The following DNAJC1 variants were observed in gnomAD, a reference collection of about 807,000 sequenced individuals.
DNAJC1 encodes dnaJ homolog subfamily C member 1.
A neutral mutation model predicts 76.6 loss-of-function variants in DNAJC1; 58 were observed. That is an observed-to-expected ratio of 0.76 (90% confidence interval 0.61 to 0.94). The LOEUF (loss-of-function observed/expected upper bound fraction) is 0.94. Ranked by LOEUF, DNAJC1 falls within the 40% of genes least tolerant of loss-of-function variation. The pLI, the probability that DNAJC1 is intolerant of heterozygous loss-of-function variation, is 0.00. For missense variants in DNAJC1, 689 were observed against 677.3 expected, an observed-to-expected ratio of 1.02 and a Z score of -0.19; for synonymous variants, 258 against 267.9, an observed-to-expected ratio of 0.96 and a Z score of 0.36.
At chr10:21,954,143 G>GAGAAAC (rs1564837120) in intron 1 of DNAJC1, among the ~76,000 whole-genome samples, 7 of 151,948 alleles carry the variant, frequency 4.6e-5, no homozygotes, top group African/African-American at 1.4e-4. Context: ...GAGGAATAGC[G>GAGAAAC]ATGAGAAACA....
At chr10:21,881,794 T>C (rs571288833) in intron 8 of DNAJC1, among the ~76,000 whole-genome samples, 1 of 136,332 alleles carries the variant, frequency 7.3e-6, no homozygotes, top group Non-Finnish European at 1.5e-5. Context: ...TTTGGAAAAA[T>C]GGTGCCCGTA....
intron 9 of DNAJC1, among the ~76,000 whole-genome samples, chr10:21,778,126 T>C (rs1027334725): frequency 6.6e-6 from 1 of 152,048 alleles, no homozygotes; most frequent in Non-Finnish European, 1.5e-5. Flanking sequence ...GAGGCAGAGG[T>C]TGCAGTGAGC....
chr10:21,819,732 C>T (rs1465119298), intron 8 of DNAJC1, among the ~76,000 whole-genome samples: 1 of 152,024 alleles, frequency 6.6e-6, no homozygotes, highest in Non-Finnish European at 1.5e-5. Context: ...GAGTTCAAGA[C>T]CAGCCTGGCC....
chr10:21,787,321 C>T (rs956791407), intron 9 of DNAJC1, among the ~76,000 whole-genome samples: 11 of 149,338 alleles, frequency 7.4e-5, no homozygotes, highest in African/African-American at 2.5e-4. Context: ...GAGTGAGATT[C>T]CGTCACAAAA....
chr10:21,942,258 A>T (rs534258794), intron 1 of DNAJC1, among the ~76,000 whole-genome samples: 1 of 152,314 alleles, frequency 6.6e-6, no homozygotes, highest in South Asian at 2.1e-4. Context: ...ATAAGTAATG[A>T]TAAAAGGTCT....
At chr10:21,920,021 G>T (rs1260403331) in intron 4 of DNAJC1, 92 bp from the exon 5 acceptor site, 1 of 762,358 alleles carries the variant, frequency 1.3e-6, no homozygotes, top group Non-Finnish European at 2.1e-6. Context: ...AAACATTATA[G>T]AGGAACATTT....
intron 1 of DNAJC1, among the ~76,000 whole-genome samples, chr10:21,962,053 C>T (rs1001586132): frequency 5.3e-5 from 8 of 152,160 alleles, no homozygotes; most frequent in Middle Eastern, 3.2e-3. Flanking sequence ...GTGAGGAGTC[C>T]TTTGTCTACC....
At chr10:21,915,052 G>A (rs1033194140) in intron 6 of DNAJC1, among the ~76,000 whole-genome samples, 33 of 152,288 alleles carry the variant, frequency 2.2e-4, no homozygotes, top group African/African-American at 7.7e-4. Flanking sequence ...GTAGTCCCTA[G>A]TAGTGCTTTG....
chr10:21,909,469 C>T, intron 6 of DNAJC1, among the ~76,000 whole-genome samples: 1 of 152,202 alleles, frequency 6.6e-6, no homozygotes, highest in African/African-American at 2.4e-5. Context: ...TAAATATTAA[C>T]TAAAATATGG....
At chr10:21,778,829 G>A (rs1246636319) in intron 9 of DNAJC1, among the ~76,000 whole-genome samples, 1 of 152,200 alleles carries the variant, frequency 6.6e-6, no homozygotes, top group Non-Finnish European at 1.5e-5. Context: ...AAAGGGTCAG[G>A]GAATTCCCTT....
intron 8 of DNAJC1, among the ~76,000 whole-genome samples, chr10:21,817,797 G>A (rs895764861): frequency 7.2e-5 from 11 of 152,084 alleles, no homozygotes; most frequent in East Asian, 3.9e-4. Flanking sequence ...CTGTCTTTAC[G>A]GCAATCTCTG....
At chr10:21,930,980 A>C (rs1001649601) in intron 1 of DNAJC1, among the ~76,000 whole-genome samples, 35 of 152,176 alleles carry the variant, frequency 2.3e-4, no homozygotes, top group African/African-American at 7.5e-4. Context: ...AACATTTCTT[A>C]CTTAAAAATA....
chr10:21,979,152 T>C (rs1023347149), intron 1 of DNAJC1, among the ~76,000 whole-genome samples: 1 of 151,018 alleles, frequency 6.6e-6, no homozygotes, highest in East Asian at 1.9e-4. Context: ...TATGAAGATC[T>C]TTTAAAAAAA....
At chr10:21,853,199 C>A (rs1835782963) in intron 8 of DNAJC1, among the ~76,000 whole-genome samples, 2 of 152,164 alleles carry the variant, frequency 1.3e-5, no homozygotes, top group Admixed American at 1.3e-4. Context: ...TCTACTCCTG[C>A]CATGTTCCAG....
At chr10:21,847,691 T>C (rs1835682297) in intron 8 of DNAJC1, among the ~76,000 whole-genome samples, 1 of 152,172 alleles carries the variant, frequency 6.6e-6, no homozygotes, top group Admixed American at 6.5e-5. Flanking sequence ...TTACAATAGT[T>C]ATCTTCTTGT....
At chr10:21,870,896 C>T (rs1017175967) in intron 8 of DNAJC1, among the ~76,000 whole-genome samples, 7 of 151,982 alleles carry the variant, frequency 4.6e-5, no homozygotes, top group Admixed American at 1.3e-4. Flanking sequence ...CTAGTCCTAC[C>T]CACTGTTCCT....
chr10:21,830,450 G>A (rs543604126), intron 8 of DNAJC1, among the ~76,000 whole-genome samples: 1 of 152,164 alleles, frequency 6.6e-6, no homozygotes, highest in South Asian at 2.1e-4. Flanking sequence ...TGTTGCAGAT[G>A]AGAAGGTAAT....
intron 6 of DNAJC1, among the ~76,000 whole-genome samples, chr10:21,910,185 G>T (rs1025326615): frequency 3.3e-5 from 5 of 151,294 alleles, no homozygotes; most frequent in Admixed American, 3.3e-4. Flanking sequence ...GCAAGATCTC[G>T]GCTCACTGCA....
At chr10:21,858,456 A>T (rs1003286701) in intron 8 of DNAJC1, among the ~76,000 whole-genome samples, 4 of 152,230 alleles carry the variant, frequency 2.6e-5, no homozygotes, top group Non-Finnish European at 2.9e-5. Context: ...GGAGCAAGCA[A>T]ATCAATCAAA....
Sources: allele counts gnomAD v4.1 joint callset (sites outside exome capture counted in the v4.1 genomes callset), GRCh38; gene constraint gnomAD v4.1.1; transcripts MANE v1.5; gene names NCBI Gene and HGNC (gene_info 2026-07-23, HGNC 2026-07-21).